The following CNR2 variants were observed in gnomAD, a reference collection of about 807,000 sequenced individuals.
CNR2 encodes the protein cannabinoid receptor 2.
For synonymous variants in CNR2, 172 were observed against 182.2 expected, an observed-to-expected ratio of 0.94 and a Z score of 0.45; for missense variants, 379 against 439.9, an observed-to-expected ratio of 0.86 and a Z score of 1.24.
chr1:23,912,425 C>A (rs1400282478), intron 1 of CNR2, among the ~76,000 whole-genome samples: 1 of 152,238 alleles, frequency 6.6e-6, no homozygotes, highest in Non-Finnish European at 1.5e-5. Flanking sequence ...TGGCCCCCAT[C>A]TACTGTTGCA....
intron 1 of CNR2, among the ~76,000 whole-genome samples, chr1:23,910,122 A>ATTTTTTTT (rs34885370): frequency 3.1e-4 from 37 of 120,280 alleles, no homozygotes; most frequent in East Asian, 7.1e-4. Flanking sequence ...CTAATTTTTA[A>ATTTTTTTT]TTTTTTTTTT....
intron 1 of CNR2, among the ~76,000 whole-genome samples, chr1:23,894,158 T>C (rs7550908): frequency 0.82 from 121,905 of 149,098 alleles, 49,929 homozygotes; most frequent in Admixed American, 0.84. Context: ...CAGTGGCTCA[T>C]GCCTGTAATC....
At chr1:23,902,208 G>A (rs1640412113) in intron 1 of CNR2, 2 of 1,124,704 alleles carry the variant, frequency 1.8e-6, no homozygotes, top group Non-Finnish European at 2.4e-6. Context: ...CCGCCTCCTG[G>A]TGTTGAGGGC....
intron 1 of CNR2, among the ~76,000 whole-genome samples, chr1:23,882,881 A>G (rs971769898): frequency 1.3e-5 from 2 of 152,092 alleles, no homozygotes; most frequent in African/African-American, 4.8e-5. Flanking sequence ...TGAGCTCATC[A>G]TGCAACTCAT....
intron 1 of CNR2, among the ~76,000 whole-genome samples, chr1:23,891,707 G>C (rs910992014): frequency 7.9e-5 from 12 of 151,116 alleles, no homozygotes; most frequent in African/African-American, 2.4e-4. Context: ...AGCATTCTCT[G>C]GTCTCCCTTT....
At position 23,873,580 on chromosome 1, in the gene CNR2, A is replaced by G. The variant is rs1482202921; in HGVS notation, c.*955T>C. The G allele has an allele frequency of 6.6e-6, 1 of 152,156 alleles. No individual in the cohort carries two copies. Among genetic ancestry groups the G allele is most frequent in the East Asian group, 1.9e-4 (1 of 5,198 alleles). 9.4% of individuals were successfully genotyped at this position (152,156 alleles called of 1,614,324 possible). A position where few individuals can be genotyped will look rare whatever the true frequency, so the allele number is the denominator to read the frequency against. On this transcript the variant is annotated 3_prime_UTR_variant, in exon 2 of 2. Transcript: ENST00000374472. ...TGGAGCTATATTCTAGCTGGGGTCA[A>G]TAGACTGAAATGTCAGCCCCATACC...
Position 23,875,574 on chromosome 1 carries a change from T to C in CNR2, c.44A>G (p.Asp15Gly), listed in dbSNP as rs199931185. ...CTTCATAGGGTTGGAATCCAAGCCA[T>C]CCTTGGAGCCATTGGCTATCTCTGT... ...WVTEIANGSK[D>G]GLDSNPMKDY... The change falls in exon 2 of 2, where the codon GAT (aspartate) becomes GGT (glycine). Residue 15 changes from aspartate (D) to glycine (G), a missense_variant. Transcript: ENST00000374472. 3.1e-6 allele frequency: 5 copies of C among 1,612,144 alleles called. No individual in the cohort carries two copies. The highest frequency in any genetic ancestry group is 4.2e-6 in the Non-Finnish European group (5 of 1,178,770).
intron 1 of CNR2, among the ~76,000 whole-genome samples, chr1:23,883,954 T>C (rs551534522): frequency 6.6e-6 from 1 of 152,270 alleles, no homozygotes; most frequent in African/African-American, 2.4e-5. Context: ...GAAGAGAACT[T>C]GCAGGCAGGA....
intron 1 of CNR2, among the ~76,000 whole-genome samples, chr1:23,881,261 G>C (rs1182152421): frequency 6.6e-6 from 1 of 151,746 alleles, no homozygotes; most frequent in Admixed American, 6.6e-5. Context: ...GGGTGACAGA[G>C]TGAGACTCCG....
intron 1 of CNR2, among the ~76,000 whole-genome samples, chr1:23,905,833 G>T (rs188658908): frequency 6.6e-6 from 1 of 152,322 alleles, no homozygotes. Flanking sequence ...TTGTGCATCT[G>T]TTGGCTTTTG....
intron 1 of CNR2, among the ~76,000 whole-genome samples, chr1:23,911,901 C>T (rs1570727197): frequency 6.6e-6 from 1 of 152,238 alleles, no homozygotes; most frequent in South Asian, 2.1e-4. Flanking sequence ...TGAACTTCTC[C>T]CCAGCCTCCA....
chr1:23,880,376 A>G (rs6424121), intron 1 of CNR2, among the ~76,000 whole-genome samples: 109,851 of 151,540 alleles, frequency 0.72, 40,034 homozygotes, highest in African/African-American at 0.79. Context: ...ACGGGGTTTC[A>G]CCGTGTTAGT....
At position 23,875,402 on chromosome 1, in the gene CNR2, G is replaced by A. The variant is rs370109088; in HGVS notation, c.216C>T (p.Phe72=). ...HQLRRKPSYL[F]IGSLAGADFL... is the part of the protein sequence containing the mutation. ...AGTCAGCCCCAGCCAAGCTGCCAAT[G>A]AACAGGTATGAGGGCTTCCGGCGGA... Residue 72 remains phenylalanine (F), a synonymous_variant, in exon 2 of 2, where the codon TTC becomes TTT. Transcript: ENST00000374472. 8.7e-6 allele frequency: 14 copies of A among 1,614,134 alleles called. No homozygotes were observed. The highest frequency in any genetic ancestry group is 2.7e-5 in the African/African-American group (2 of 74,958).
At position 23,875,625 on chromosome 1, in the gene CNR2, G is replaced by A. The variant is rs546191016; in HGVS notation, c.-8C>T. On this transcript the variant is annotated 5_prime_UTR_variant, in exon 2 of 2. Coordinates refer to ENST00000374472, the MANE Select transcript of CNR2 (RefSeq NM_001841.3). ...CACCCAGCATTCCTCCATGGGGTGG[G>A]CCCTTCAGATTCCACTGAGCTTGTC... 1.3e-6 allele frequency: 2 copies of A among 1,586,040 alleles called. No homozygotes were observed. Among genetic ancestry groups the A allele is most frequent in the Non-Finnish European group, 1.7e-6 (2 of 1,163,660 alleles).
Position 23,890,271 on chromosome 1 carries a change from A to AAG in CNR2, c.-45-14610_-45-14609insCT, listed in dbSNP as rs1339030038. Reference sequence around the variant, plus strand: ...GAGACCTTGTCTCAAAAAAAAAAAAAAAAGAAAAGAAAAGAAAAGAAGAAG... The same window carrying AAG: ...GAGACCTTGTCTCAAAAAAAAAAAAAAGAAAGAAAAGAAAAGAAAAGAAGAAG... On this transcript the variant is annotated intron_variant, in intron 1 of 1. Transcript: ENST00000374472. Among the ~76,000 whole-genome samples, 442 of 139,434 alleles carry AAG rather than the reference A, an allele frequency of 3.2e-3. 5 individuals carry two copies. The highest frequency in any genetic ancestry group is 0.011 in the African/African-American group (429 of 37,888). 91.5% of individuals were successfully genotyped at this position (139,434 alleles called of 152,430 possible). A position where few individuals can be genotyped will look rare whatever the true frequency, so the allele number is the denominator to read the frequency against.
chr1:23,910,116 TTTTTAA>T (rs1640558896), intron 1 of CNR2, among the ~76,000 whole-genome samples: 2 of 120,418 alleles, frequency 1.7e-5, no homozygotes, highest in Non-Finnish European at 1.7e-5. Context: ...GCCTGGCTAA[TTTTTAA>T]TTTTTTTTTT....
intron 1 of CNR2, among the ~76,000 whole-genome samples, chr1:23,912,139 A>C (rs1640597607): frequency 6.6e-6 from 1 of 152,174 alleles, no homozygotes; most frequent in South Asian, 2.1e-4. Context: ...CATGTTTCTC[A>C]GAAGAGGAAG....
intron 1 of CNR2, among the ~76,000 whole-genome samples, chr1:23,880,860 A>G (rs904555762): frequency 2.0e-5 from 3 of 150,080 alleles, no homozygotes; most frequent in African/African-American, 7.3e-5. Flanking sequence ...TATAGTTTAT[A>G]TATGTAATTT....
chr1:23,892,176 G>A (rs1420634594), intron 1 of CNR2, among the ~76,000 whole-genome samples: 4 of 152,186 alleles, frequency 2.6e-5, no homozygotes, highest in Non-Finnish European at 2.9e-5. Flanking sequence ...TAGAAGGATG[G>A]TGCCTGCCCA....
Sources: allele counts gnomAD v4.1 joint callset (sites outside exome capture counted in the v4.1 genomes callset), GRCh38; gene constraint gnomAD v4.1.1; transcripts MANE v1.5; gene names NCBI Gene and HGNC (gene_info 2026-07-23, HGNC 2026-07-21).